PCYT1A: variants seen among roughly 807,000 people sequenced by gnomAD.
PCYT1A encodes phosphate cytidylyltransferase 1A, choline, also known as choline-phosphate cytidylyltransferase A.
Under a neutral mutation model 43.7 loss-of-function variants are expected in PCYT1A, and 25 were observed. The observed-to-expected ratio is 0.57, with a 90% CI of 0.42 to 0.80. The LOEUF is 0.80. Among genes scored for constraint, PCYT1A ranks in the 30% least tolerant of loss-of-function variants. The pLI is 0.00. For missense variants in PCYT1A, 421 were observed against 474.2 expected, an observed-to-expected ratio of 0.89 and a Z score of 1.04; for synonymous variants, 172 against 170.7, an observed-to-expected ratio of 1.01 and a Z score of -0.06.
chr3:196,267,492 A>C (rs1407720599), intron 2 of PCYT1A: 1 of 343,754 alleles, frequency 2.9e-6, no homozygotes, highest in Non-Finnish European at 5.9e-6. Context: ...AGGCAGGAGA[A>C]TCGCTTGATC....
At chr3:196,255,858 T>C (rs1006651164) in intron 3 of PCYT1A, among the ~76,000 whole-genome samples, 2 of 152,216 alleles carry the variant, frequency 1.3e-5, no homozygotes, top group Non-Finnish European at 2.9e-5. Flanking sequence ...TTAGAGAGTA[T>C]GTAAAAAGTT....
intron 5 of PCYT1A, among the ~76,000 whole-genome samples, chr3:196,245,526 C>G (rs545347730): frequency 6.6e-6 from 1 of 152,288 alleles, no homozygotes; most frequent in South Asian, 2.1e-4. Context: ...GCGTGCTAAA[C>G]TTCACTTACT....
At chr3:196,286,209 T>C (rs899446451) in intron 1 of PCYT1A, among the ~76,000 whole-genome samples, 6 of 151,994 alleles carry the variant, frequency 3.9e-5, no homozygotes, top group Non-Finnish European at 8.8e-5. Context: ...ATTCCAGGCA[T>C]GCGCCACCAC....
chr3:196,285,625 C>G (rs193085319), intron 1 of PCYT1A, among the ~76,000 whole-genome samples: 39 of 152,300 alleles, frequency 2.6e-4, no homozygotes, highest in African/African-American at 8.7e-4. Flanking sequence ...AGTGTGGTAT[C>G]ATTCCTAGCA....
intron 3 of PCYT1A, 26 bp from the exon 4 acceptor site, chr3:196,248,349 A>G (rs1264152021): frequency 7.7e-7 from 1 of 1,300,966 alleles, no homozygotes; most frequent in East Asian, 2.3e-5. Flanking sequence ...AGAATTGATC[A>G]CAAAAATACC....
intron 5 of PCYT1A, among the ~76,000 whole-genome samples, chr3:196,244,574 C>A (rs1490813661): frequency 6.6e-6 from 1 of 151,924 alleles, no homozygotes; most frequent in Non-Finnish European, 1.5e-5. Flanking sequence ...GCCCGGCCAC[C>A]ACCCCGTCTG....
chr3:196,247,389 G>C lies in PCYT1A; in HGVS notation c.464C>G (p.Pro155Arg). ...TACCCGGTGTTCGGCCAGGAACTCG[G>C]GTGTCAGCGTCCAGGGCGCATTCCT... The part of the protein sequence containing the change: ...VVRNAPWTLT[P>R]EFLAEHRIDF... The change falls in exon 5 of 9, where the codon CCC (proline) becomes CGC (arginine). Residue 155 changes from proline to arginine, a missense_variant. Pro to Arg is a moderately radical substitution (Grantham distance 103). Transcript: ENST00000431016. The surrounding 1 kb of genome is among the most constrained non-coding windows in gnomAD (Gnocchi z 4.8). 1.2e-6 allele frequency: 2 copies of C among 1,614,138 alleles called. No homozygotes were observed. The highest frequency in any genetic ancestry group is 1.7e-6 in the Non-Finnish European group (2 of 1,180,026).
chr3:196,250,895 C>A (rs905400863), intron 3 of PCYT1A, among the ~76,000 whole-genome samples: 21 of 150,506 alleles, frequency 1.4e-4, no homozygotes, highest in Non-Finnish European at 3.1e-4. Flanking sequence ...TATGCTGAGG[C>A]TGAGGACCAG....
At chr3:196,265,230 AT>A (rs560285746) in intron 2 of PCYT1A, among the ~76,000 whole-genome samples, 3 of 150,214 alleles carry the variant, frequency 2.0e-5, no homozygotes, top group South Asian at 2.1e-4. Flanking sequence ...TGCCCAGCTA[AT>A]TTTTTTTTGT....
chr3:196,238,787 T>G lies in PCYT1A; in HGVS notation c.1005A>C (p.Arg335=). The change falls in exon 9 of 9, where the codon CGA becomes CGC. Residue 335 remains arginine, a synonymous_variant. Transcript: ENST00000431016. The part of the protein sequence containing the change: ...TRERSPSPSF[R]WPFSGKTSPP... ...GGGAAGTCTTGCCGGAGAAGGGCCA[T>G]CGGAAAGAGGGGGAGGGGGAGCGCT... 3 of 1,586,742 alleles carry G rather than the reference T, an allele frequency of 1.9e-6. No individual in the cohort carries two copies. Among genetic ancestry groups the G allele is most frequent in the Non-Finnish European group, 2.6e-6 (3 of 1,167,490 alleles).
chr3:196,248,098 A>C, intron 4 of PCYT1A, 109 bp downstream of exon 4: 1 of 724,352 alleles, frequency 1.4e-6, no homozygotes, highest in Non-Finnish European at 2.5e-6. Flanking sequence ...GCTGTACTAC[A>C]TCCTTCATTT....
intron 2 of PCYT1A, among the ~76,000 whole-genome samples, chr3:196,259,937 T>A (rs1725059858): frequency 7.2e-6 from 1 of 139,120 alleles, no homozygotes. Context: ...TTTTTTTTTT[T>A]TTTGAGGCAA....
At chr3:196,267,403 G>A (rs971913572) in intron 2 of PCYT1A, 4 of 451,364 alleles carry the variant, frequency 8.9e-6, no homozygotes, top group Non-Finnish European at 1.8e-5. Context: ...ATGAGTACAG[G>A]CCTTCTTTCT....
Position 196,242,444 on chromosome 3 carries a change from G to A in PCYT1A, c.565+118C>T, listed in dbSNP as rs762293082. ...ATCTTTACCTTTTATCCAAAATGTG[G>A]CCTGAAAGAGGATGTTGAATTTCTA... On this transcript the variant is annotated intron_variant, in intron 6 of 8. Transcript: ENST00000431016. This position sits in a 1 kb window ranked among gnomAD's most constrained non-coding sequence, Gnocchi z 4.2. The A allele has an allele frequency of 2.6e-6, 2 of 781,066 alleles. No individual in the cohort carries two copies. Among genetic ancestry groups the A allele is most frequent in the South Asian group, 2.8e-5 (2 of 71,818 alleles). 48.4% of individuals were successfully genotyped at this position (781,066 alleles called of 1,614,324 possible). A position where few individuals can be genotyped will look rare whatever the true frequency, so the allele number is the denominator to read the frequency against.
rs1724241423 is a variant in PCYT1A, at chr3:196,238,490, C to T, written c.*198G>A. ...AGAGCAGGCTTCTAAGGTGCAGTCCCCCTCCTTCGTGTGGGTGAGTGATGT... is the reference window on the plus strand; with the variant it reads ...AGAGCAGGCTTCTAAGGTGCAGTCCTCCTCCTTCGTGTGGGTGAGTGATGT... On this transcript the variant is annotated 3_prime_UTR_variant, in exon 9 of 9. Transcript: ENST00000431016. 2.4e-6 allele frequency: 1 copy of T among 416,502 alleles called. No individual in the cohort carries two copies. Among genetic ancestry groups the T allele is most frequent in the Non-Finnish European group, 4.3e-6 (1 of 233,088 alleles). 25.8% of individuals were successfully genotyped at this position (416,502 alleles called of 1,614,324 possible). A position where few individuals can be genotyped will look rare whatever the true frequency, so the allele number is the denominator to read the frequency against.
At chr3:196,245,292 T>C (rs1724526811) in intron 5 of PCYT1A, among the ~76,000 whole-genome samples, 2 of 152,140 alleles carry the variant, frequency 1.3e-5, no homozygotes, top group South Asian at 4.2e-4. Context: ...CAGGCGCATG[T>C]CACCCCGCCT....
In PCYT1A at chr3:196,238,451, G is replaced by T. The variant is rs539400776; in HGVS notation, c.*237C>A. 4.1e-5 allele frequency: 15 copies of T among 364,152 alleles called. No homozygotes were observed. Among genetic ancestry groups the T allele is most frequent in the Admixed American group, 1.9e-4 (4 of 21,544 alleles). 22.6% of individuals were successfully genotyped at this position (364,152 alleles called of 1,614,324 possible). A position where few individuals can be genotyped will look rare whatever the true frequency, so the allele number is the denominator to read the frequency against. On this transcript the variant is annotated 3_prime_UTR_variant, in exon 9 of 9. Coordinates refer to ENST00000431016, the MANE Select transcript of PCYT1A (RefSeq NM_001312673.2). ...ACAGTGAAACAAAGCCCTTGGGGGG[G>T]GGTAAATGGATGCAGAGCAGGCTTC... is the stretch of plus-strand genomic sequence containing the variant.
rs961150311 is a variant in PCYT1A at position 196,273,013 on chromosome 3, G to C, written c.-10-2472C>G. On this transcript the variant is annotated intron_variant, in intron 1 of 8. Transcript: ENST00000431016. The surrounding 1 kb of genome is among the most constrained non-coding windows in gnomAD (Gnocchi z 4.1). ...ACAAGCCAGGCACGGAGCGGCAAGA[G>C]GTGCACAGGCGAGCCAGCACAGGGT... Among the ~76,000 whole-genome samples the C allele has an allele frequency of 2.7e-4, 41 of 152,220 alleles. 1 individual carries two copies. The highest frequency in any genetic ancestry group is 7.0e-4 in the African/African-American group (29 of 41,456).
At chr3:196,239,902 C>T in intron 7 of PCYT1A, 167 bp from the exon 8 acceptor site, 1 of 593,044 alleles carries the variant, frequency 1.7e-6, no homozygotes, top group Non-Finnish European at 3.0e-6. Context: ...ATAAGATATG[C>T]TGTGGATGCA....
Sources: gnomAD v4.1 joint callset for allele counts (sites outside exome capture counted in the v4.1 genomes callset) on GRCh38, gnomAD v4.1.1 for gene constraint, Gnocchi (gnomAD v3.1) non-coding constraint, MANE v1.5 for transcripts, NCBI Gene and HGNC (gene_info 2026-07-23, HGNC 2026-07-21) for gene names.